Variants in IPO9 observed in about 807,000 individuals in gnomAD.
The protein encoded by IPO9 is importin-9.
IPO9 carries 28 observed loss-of-function variants against 128.6 expected under a neutral mutation model. That is an observed-to-expected ratio of 0.22 (90% CI 0.16 to 0.30). The LOEUF (loss-of-function observed/expected upper bound fraction) is 0.30. IPO9 is among the 10% of genes least tolerant of loss of function. IPO9 has a pLI of 1.00. For missense variants in IPO9, 935 were observed against 1,293.9 expected (o/e 0.72, Z 4.26); for synonymous variants, 455 against 475.8 (o/e 0.96, Z 0.57).
intron 1 of IPO9, among the ~76,000 whole-genome samples, chr1:201,842,018 G>A (rs1351352512): frequency 6.6e-6 from 1 of 152,090 alleles, no homozygotes; most frequent in Non-Finnish European, 1.5e-5. Flanking sequence ...CCAGCTGGGT[G>A]TCCTCCAATT....
rs148348918 is a variant in IPO9, at chr1:201,859,180, A to AATAT, written c.1468+210_1468+213dup. On this transcript the variant is annotated intron_variant, in intron 13 of 23. Coordinates refer to ENST00000361565, the MANE Select transcript of IPO9 (RefSeq NM_018085.5). ...ACATGTACCCTAGAACTCAAAGTAT[A>AATAT]ATATATATATATATATATATATATA... Among the ~76,000 whole-genome samples the AATAT allele has an allele frequency of 2.2e-4, 18 of 83,452 alleles. 1 individual carries two copies. Among genetic ancestry groups the AATAT allele is most frequent in the African/African-American group, 5.6e-4 (14 of 25,008 alleles). 54.7% of individuals were successfully genotyped at this position (83,452 alleles called of 152,430 possible).
At chr1:201,848,182 T>G (rs1316174365) in intron 3 of IPO9, among the ~76,000 whole-genome samples, 1 of 152,202 alleles carries the variant, frequency 6.6e-6, no homozygotes, top group African/African-American at 2.4e-5. Flanking sequence ...TTAATAGCTA[T>G]GTATAGCTAG....
chr1:201,833,518 C>T (rs1194758193), intron 1 of IPO9, among the ~76,000 whole-genome samples: 1 of 152,132 alleles, frequency 6.6e-6, no homozygotes, highest in Non-Finnish European at 1.5e-5. Flanking sequence ...GGATTACAGG[C>T]GTGAGCCACT....
rs934434997 is a variant in IPO9, at chr1:201,870,958, C to T, written c.2409+100C>T. ...TATTTTATTTTACCCTCTTACTAGC[C>T]TTGTAGGACAGTTAAGTAAAATGGG... On this transcript the variant is annotated intron_variant, in intron 18 of 23. Coordinates refer to ENST00000361565, the MANE Select transcript of IPO9 (RefSeq NM_018085.5). The surrounding 1 kb of genome is among the most constrained non-coding windows in gnomAD (Gnocchi z 4.9). The T allele has an allele frequency of 1.8e-5, 26 of 1,414,622 alleles. No individual in the cohort carries two copies. In the African/African-American group the frequency reaches 3.4e-4, roughly 19 times the overall value. The allele number at this position is 1,414,622 out of a possible 1,614,324, so 87.6% of individuals were successfully genotyped here. A position where few individuals can be genotyped will look rare whatever the true frequency, so the allele number is the denominator to read the frequency against.
chr1:201,836,131 A>C (rs1285686388), intron 1 of IPO9, among the ~76,000 whole-genome samples: 1 of 148,700 alleles, frequency 6.7e-6, no homozygotes, highest in Non-Finnish European at 1.5e-5. Flanking sequence ...AAAAAAAAAA[A>C]AAAAAAAAAA....
intron 1 of IPO9, among the ~76,000 whole-genome samples, chr1:201,843,425 C>A (rs774162695): frequency 6.6e-6 from 1 of 152,010 alleles, no homozygotes; most frequent in Non-Finnish European, 1.5e-5. Flanking sequence ...AGGTGATGTG[C>A]GGGAAAAAAG....
chr1:201,856,291 C>T (rs1044940100), intron 10 of IPO9, among the ~76,000 whole-genome samples: 1 of 152,042 alleles, frequency 6.6e-6, no homozygotes, highest in Non-Finnish European at 1.5e-5. Context: ...ATTAGAAAAT[C>T]TCACAGGACC....
At chr1:201,832,156 C>T (rs1176297443) in intron 1 of IPO9, among the ~76,000 whole-genome samples, 3 of 152,068 alleles carry the variant, frequency 2.0e-5, no homozygotes, top group Admixed American at 2.0e-4. Context: ...CCGCCTCGGC[C>T]TCCCAAAGTG....
At chr1:201,839,023 G>A (rs554657431) in intron 1 of IPO9, among the ~76,000 whole-genome samples, 10 of 151,230 alleles carry the variant, frequency 6.6e-5, no homozygotes, top group East Asian at 3.9e-4. Flanking sequence ...GGATTCAAGC[G>A]ATTCTCCTGC....
At chr1:201,831,523 T>C (rs140932410) in intron 1 of IPO9, among the ~76,000 whole-genome samples, 219 of 152,326 alleles carry the variant, frequency 1.4e-3, no homozygotes, top group African/African-American at 4.3e-3. Context: ...TGTACCTGTT[T>C]TAAGGTGGAG....
intron 11 of IPO9, among the ~76,000 whole-genome samples, chr1:201,857,593 C>G (rs1680355840): frequency 6.6e-6 from 1 of 152,040 alleles, no homozygotes; most frequent in Non-Finnish European, 1.5e-5. Flanking sequence ...GTCCAGAGTT[C>G]AAGACTAGCC....
Position 201,872,941 on chromosome 1 carries a change from C to T in IPO9, c.2690C>T (p.Thr897Ile). 6.2e-7 allele frequency: 1 copy of T among 1,613,288 alleles called. No individual in the cohort carries two copies. The highest frequency in any genetic ancestry group is 8.5e-7 in the Non-Finnish European group (1 of 1,179,656). The change falls in exon 20 of 24, where the codon ACC (threonine) becomes ATC (isoleucine). Residue 897 changes from threonine (T) to isoleucine (I), a missense_variant. By Grantham distance (89) the Thr-to-Ile change is moderately conservative. Coordinates refer to ENST00000361565, the MANE Select transcript of IPO9 (RefSeq NM_018085.5). ...TACAGCATGGATGAGGGCATCCGCACCCGCTCTAAGTCAGCCAAAAGTGGG... is the reference window on the plus strand; with the variant it reads ...TACAGCATGGATGAGGGCATCCGCATCCGCTCTAAGTCAGCCAAAAGTGGG... ...EIYSMDEGIR[T>I]RSKSAKNPER...
chr1:201,859,529 G>A (rs1291158142), intron 13 of IPO9, among the ~76,000 whole-genome samples: 2 of 152,058 alleles, frequency 1.3e-5, no homozygotes, highest in Non-Finnish European at 2.9e-5. Context: ...GTTAAGTCCA[G>A]AATGCCCTCA....
At chr1:201,839,452 T>C (rs1015991045) in intron 1 of IPO9, among the ~76,000 whole-genome samples, 1 of 150,246 alleles carries the variant, frequency 6.7e-6, no homozygotes, top group African/African-American at 2.5e-5. Context: ...TCCCAACTAC[T>C]CGGGAGGCTG....
chr1:201,856,575 A>G (rs1181398995), intron 10 of IPO9, among the ~76,000 whole-genome samples: 4 of 152,362 alleles, frequency 2.6e-5, no homozygotes, highest in Admixed American at 1.3e-4. Context: ...AAAAGAGAGC[A>G]ATAGCCATTG....
At chr1:201,875,914 C>A in intron 23 of IPO9, 30 bp from the exon 24 acceptor site, 1 of 1,381,616 alleles carries the variant, frequency 7.2e-7, no homozygotes, top group Non-Finnish European at 1.0e-6. Flanking sequence ...TGCAATGTCT[C>A]ACTAATGCCA....
intron 8 of IPO9, 28 bp downstream of exon 8, chr1:201,854,951 C>A: frequency 6.5e-7 from 1 of 1,530,890 alleles, no homozygotes; most frequent in Non-Finnish European, 8.9e-7. Flanking sequence ...TTTAAGGGAG[C>A]TACTACCACC....
Position 201,879,955 on chromosome 1 carries a change from C to G in IPO9, c.*3901C>G, listed in dbSNP as rs576139497. On this transcript the variant is annotated 3_prime_UTR_variant, in exon 24 of 24. Coordinates refer to ENST00000361565, the MANE Select transcript of IPO9 (RefSeq NM_018085.5). ...TCGGGAGGCTGAGGCGGGAGAATCA[C>G]TTGAACCTGGGAGACAGAGGTTGCA... 1 of 152,340 alleles carries G rather than the reference C, an allele frequency of 6.6e-6. No homozygotes were observed. 9.4% of individuals were successfully genotyped at this position (152,340 alleles called of 1,614,324 possible). A position where few individuals can be genotyped will look rare whatever the true frequency, so the allele number is the denominator to read the frequency against.
At chr1:201,833,237 TTTTTTTAATTTTA>T (rs1194029069) in intron 1 of IPO9, among the ~76,000 whole-genome samples, 7 of 151,402 alleles carry the variant, frequency 4.6e-5, no homozygotes, top group African/African-American at 1.5e-4. Context: ...ATTTTTTTTT[TTTTTTTAATTTTA>T]TTTTTTGAGA....
Sources: gnomAD v4.1 joint callset for allele counts (sites outside exome capture counted in the v4.1 genomes callset) on GRCh38, gnomAD v4.1.1 for gene constraint, Gnocchi (gnomAD v3.1) non-coding constraint, MANE v1.5 for transcripts, NCBI Gene and HGNC (gene_info 2026-07-23, HGNC 2026-07-21) for gene names.